Variants in MAEA observed in about 807,000 individuals in gnomAD.
MAEA encodes E3 ubiquitin-protein transferase MAEA.
Under a neutral mutation model 46.2 loss-of-function variants are expected in MAEA, and 22 were observed. The observed-to-expected ratio is 0.48, with a 90% CI of 0.34 to 0.68. MAEA has a LOEUF of 0.68. MAEA is among the 30% of genes least tolerant of loss of function. The pLI is 0.01. For synonymous variants in MAEA, 246 were observed against 222.6 expected (o/e 1.11, Z -0.94); for missense variants, 393 against 558.1 (o/e 0.70, Z 2.98).
In MAEA at chr4:1,311,446, C is replaced by T. The variant is rs1021546419; in HGVS notation, c.70-533C>T. Among the ~76,000 whole-genome samples the T allele has an allele frequency of 6.6e-6, 1 of 152,234 alleles. No homozygotes were observed. Among genetic ancestry groups the T allele is most frequent in the African/African-American group, 2.4e-5 (1 of 41,468 alleles). On this transcript the variant is annotated intron_variant, in intron 1 of 8. Coordinates refer to ENST00000303400, the MANE Select transcript of MAEA (RefSeq NM_001017405.3). This position sits in a 1 kb window ranked among gnomAD's most constrained non-coding sequence, Gnocchi z 4.4. ...GGTTCTTACGACTGGGGAAGGCAAA[C>T]GCTGTCACACAGGAGAGGTGTGGGT...
intron 4 of MAEA, among the ~76,000 whole-genome samples, chr4:1,325,903 C>G (rs961975479): frequency 6.6e-6 from 1 of 152,210 alleles, no homozygotes; most frequent in African/African-American, 2.4e-5. Context: ...TCCTCCTGCC[C>G]CAGCTTGGAG....
At chr4:1,306,743 G>A (rs1735874109) in intron 1 of MAEA, among the ~76,000 whole-genome samples, 1 of 152,204 alleles carries the variant, frequency 6.6e-6, no homozygotes, top group Admixed American at 6.5e-5. Context: ...GGTACATTTT[G>A]TATCCTTCTA....
chr4:1,312,423 ATT>A (rs34329974), intron 2 of MAEA: 7,129 of 169,410 alleles, frequency 0.042, 2 homozygotes, highest in South Asian at 0.079. Flanking sequence ...AGGTTGATTG[ATT>A]TTTTTTTTTT....
At chr4:1,323,471 C>T (rs2108963304) in intron 4 of MAEA, 1 of 702,520 alleles carries the variant, frequency 1.4e-6, no homozygotes, top group Non-Finnish European at 2.6e-6. Flanking sequence ...AGTTACCAGC[C>T]AGGAGTGACA....
intron 3 of MAEA, among the ~76,000 whole-genome samples, chr4:1,316,982 TCTAGACTCACCCCCAGGCCCACCCCGGCC>T (rs1560356941): frequency 3.0e-3 from 207 of 69,412 alleles, no homozygotes; most frequent in Non-Finnish European, 4.2e-3. Flanking sequence ...GGCCCCACAC[TCTAGACTCACCCCCAGGCCCACCCCGGCC>T]CCCACACTCC....
At chr4:1,317,568 C>G (rs967264698) in intron 3 of MAEA, among the ~76,000 whole-genome samples, 2 of 152,020 alleles carry the variant, frequency 1.3e-5, no homozygotes, top group Admixed American at 6.5e-5. Context: ...TGGTGTCCGT[C>G]CTGCCCTCCA....
At chr4:1,314,973 A>C (rs1214163810) in intron 2 of MAEA, among the ~76,000 whole-genome samples, 1 of 152,238 alleles carries the variant, frequency 6.6e-6, no homozygotes, top group Non-Finnish European at 1.5e-5. Context: ...TGTGTTGGGC[A>C]GCACAGGCCT....
chr4:1,329,179 G>A (rs1739220128), intron 5 of MAEA: 10 of 985,642 alleles, frequency 1.0e-5, no homozygotes, highest in Middle Eastern at 5.2e-4. Context: ...AGCTGGTTCC[G>A]CATAGGGTCT....
At chr4:1,297,264 A>G (rs1050137716) in intron 1 of MAEA, among the ~76,000 whole-genome samples, 1 of 152,216 alleles carries the variant, frequency 6.6e-6, no homozygotes, top group Non-Finnish European at 1.5e-5. Context: ...TTTATCCTTG[A>G]GTCCACGATG....
chr4:1,301,776 GA>G (rs1735342591), intron 1 of MAEA, among the ~76,000 whole-genome samples: 1 of 152,112 alleles, frequency 6.6e-6, no homozygotes. Context: ...TGTGTAGAAG[GA>G]AAAAAGTGTT....
In MAEA at chr4:1,338,339, C is replaced by T. The variant is rs143795589; in HGVS notation, c.900-83C>T. ...CCCACATAGCCAGAAGGGCACGCAG[C>T]CCAGGGCAGAGTGGCCACAGGGGGC... On this transcript the variant is annotated intron_variant, in intron 7 of 8. Coordinates refer to ENST00000303400, the MANE Select transcript of MAEA (RefSeq NM_001017405.3). 9.1e-3 allele frequency: 10,348 copies of T among 1,133,488 alleles called. 366 individuals are homozygous for T. The Admixed American group carries it at 0.11, about 12-fold the overall frequency. The allele number at this position is 1,133,488 out of a possible 1,614,324, so 70.2% of individuals were successfully genotyped here.
At chr4:1,310,235 C>CG (rs547894463) in intron 1 of MAEA, among the ~76,000 whole-genome samples, 91 of 152,186 alleles carry the variant, frequency 6.0e-4, no homozygotes, top group African/African-American at 1.8e-3. Flanking sequence ...GTCAGGGCCT[C>CG]GGGGGGGCCT....
rs1713241451 is a variant in MAEA at position 1,339,543 on chromosome 4, TGG to T, written c.*375_*376del. ...CTTTCCTTCTGTGAACGATGAGACT[TGG>T]AGAACGGGCTGGTCCTTCACCACTT... On this transcript the variant is annotated 3_prime_UTR_variant, in exon 9 of 9. Coordinates refer to ENST00000303400, the MANE Select transcript of MAEA (RefSeq NM_001017405.3). 1.5e-5 allele frequency: 4 copies of T among 258,124 alleles called. No homozygotes were observed. 16.0% of individuals were successfully genotyped at this position (258,124 alleles called of 1,614,324 possible).
chr4:1,306,482 T>C (rs1735844415), intron 1 of MAEA, among the ~76,000 whole-genome samples: 1 of 152,110 alleles, frequency 6.6e-6, no homozygotes, highest in African/African-American at 2.4e-5. Context: ...GCTATTGCAC[T>C]CCAGCCTGGG....
intron 4 of MAEA, 79 bp downstream of exon 4, chr4:1,322,582 G>C (rs1738268466): frequency 1.0e-5 from 16 of 1,568,752 alleles, no homozygotes; most frequent in Non-Finnish European, 1.4e-5. Context: ...GCACCCCCTT[G>C]CCTGGTGGTT....
chr4:1,326,352 A>G (rs1417530762), intron 4 of MAEA, among the ~76,000 whole-genome samples: 1 of 152,244 alleles, frequency 6.6e-6, no homozygotes, highest in Non-Finnish European at 1.5e-5. Flanking sequence ...GCCCACGCCT[A>G]TATCCTGTTT....
chr4:1,315,282 C>T (rs919992517), intron 2 of MAEA, 115 bp from the exon 3 acceptor site: 104 of 1,007,780 alleles, frequency 1.0e-4, no homozygotes, highest in East Asian at 4.3e-4. Flanking sequence ...TTTTCTGTCC[C>T]GTAATCCCTG....
In MAEA at chr4:1,339,262, C is replaced by A; in HGVS notation, c.*93C>A. 1 of 892,224 alleles carries A rather than the reference C, an allele frequency of 1.1e-6. No individual in the cohort carries two copies. The highest frequency in any genetic ancestry group is 1.8e-6 in the Non-Finnish European group (1 of 540,822). The allele number at this position is 892,224 out of a possible 1,614,324, so 55.3% of individuals were successfully genotyped here. A position where few individuals can be genotyped will look rare whatever the true frequency, so the allele number is the denominator to read the frequency against. On this transcript the variant is annotated 3_prime_UTR_variant, in exon 9 of 9. Transcript: ENST00000303400. ...TGTCCCACGCTCCAGCCTGCCGCGGCGTTTCTGTTTCTTGCGACCAAAGAT... is the reference window on the plus strand; with the variant it reads ...TGTCCCACGCTCCAGCCTGCCGCGGAGTTTCTGTTTCTTGCGACCAAAGAT...
chr4:1,329,182 T>C (rs1739220506), intron 5 of MAEA: 2 of 985,764 alleles, frequency 2.0e-6, no homozygotes, highest in African/African-American at 3.5e-5. Context: ...TGGTTCCGCA[T>C]AGGGTCTGTT....
Sources: gnomAD v4.1 joint callset for allele counts (sites outside exome capture counted in the v4.1 genomes callset) on GRCh38, gnomAD v4.1.1 for gene constraint, Gnocchi (gnomAD v3.1) non-coding constraint, MANE v1.5 for transcripts, NCBI Gene and HGNC (gene_info 2026-07-23, HGNC 2026-07-21) for gene names.